Variants in ADAM22 observed in about 807,000 individuals in gnomAD.
ADAM22 encodes the protein ADAM metallopeptidase domain 22.
A neutral mutation model predicts 144.6 loss-of-function variants in ADAM22; 65 were observed. The observed-to-expected ratio is 0.45, with a 90% CI of 0.37 to 0.55. The LOEUF is 0.55. ADAM22 is among the 20% of genes least tolerant of loss of function. The probability of loss-of-function intolerance (pLI) is 0.00; values close to 1 mark genes in which losing one functional copy is unlikely to be tolerated. For missense variants in ADAM22, 974 were observed against 1,184.9 expected, an observed-to-expected ratio of 0.82 and a Z score of 2.61; for synonymous variants, 391 against 412.6, an observed-to-expected ratio of 0.95 and a Z score of 0.63.
intron 18 of ADAM22, 141 bp downstream of exon 18, chr7:88,149,198 A>C (rs1172463172): frequency 1.5e-6 from 1 of 659,440 alleles, no homozygotes; most frequent in Non-Finnish European, 2.6e-6. Flanking sequence ...TAGGAATTTA[A>C]GTTTCAGTGA....
At chr7:88,086,090 C>T (rs1418575642) in intron 4 of ADAM22, among the ~76,000 whole-genome samples, 1 of 152,138 alleles carries the variant, frequency 6.6e-6, no homozygotes, top group African/African-American at 2.4e-5. Context: ...GCAGGAGAAT[C>T]GCTTGAACTC....
chr7:88,094,609 G>A (rs942541244), intron 4 of ADAM22, among the ~76,000 whole-genome samples: 5 of 152,120 alleles, frequency 3.3e-5, no homozygotes, highest in African/African-American at 4.8e-5. Flanking sequence ...TTTTGCCTTC[G>A]TTTTCTCTTC....
At chr7:88,130,239 A>G in intron 9 of ADAM22, 149 bp from the exon 10 acceptor site, 1 of 602,152 alleles carries the variant, frequency 1.7e-6, no homozygotes, top group East Asian at 3.0e-5. Context: ...TGACTCTGAC[A>G]TTGTTTTACA....
At chr7:88,069,766 G>T (rs1812252499) in intron 3 of ADAM22, among the ~76,000 whole-genome samples, 1 of 152,092 alleles carries the variant, frequency 6.6e-6, no homozygotes. Flanking sequence ...AAGATAACCT[G>T]AAATACAGGG....
chr7:88,182,886 C>T (rs1476736713), intron 29 of ADAM22, among the ~76,000 whole-genome samples: 2 of 152,104 alleles, frequency 1.3e-5, no homozygotes, highest in African/African-American at 2.4e-5. Flanking sequence ...CTCACTCTAG[C>T]GATAGTTATT....
In ADAM22 at chr7:88,197,712, T is replaced by C. The variant is rs375343584; in HGVS notation, c.*1221T>C. Reference sequence around the variant, plus strand: ...CAACTTTGACACTGTTGATTAAGAATATTTGTCATCACTGGGATGTGAATC... The same window carrying C: ...CAACTTTGACACTGTTGATTAAGAACATTTGTCATCACTGGGATGTGAATC... On this transcript the variant is annotated 3_prime_UTR_variant, in exon 32 of 32. Transcript: ENST00000413139. 8.5e-5 allele frequency: 13 copies of C among 152,242 alleles called. No individual in the cohort carries two copies. The highest frequency in any genetic ancestry group is 3.9e-4 in the East Asian group (2 of 5,194). 9.4% of individuals were successfully genotyped at this position (152,242 alleles called of 1,614,324 possible). A position where few individuals can be genotyped will look rare whatever the true frequency, so the allele number is the denominator to read the frequency against.
intron 22 of ADAM22, among the ~76,000 whole-genome samples, chr7:88,157,070 A>G (rs1398877017): frequency 1.3e-5 from 2 of 152,170 alleles, no homozygotes; most frequent in Non-Finnish European, 2.9e-5. Context: ...TTAGTAGTTG[A>G]AATTATCTTC....
chr7:87,983,508 C>T (rs1854226418), intron 3 of ADAM22, among the ~76,000 whole-genome samples: 1 of 151,898 alleles, frequency 6.6e-6, no homozygotes, highest in Admixed American at 6.6e-5. Context: ...TGTGTTGCAC[C>T]TTATTGAACT....
chr7:87,956,261 G>T (rs915374068), intron 2 of ADAM22, among the ~76,000 whole-genome samples: 4 of 152,110 alleles, frequency 2.6e-5, no homozygotes, highest in African/African-American at 9.7e-5. Flanking sequence ...TTCCTATTTG[G>T]CCATCTTGGC....
rs61053925 is a variant in ADAM22, at chr7:88,162,097, TACACACACAC to T, written c.1908-888_1908-879del. Among the ~76,000 whole-genome samples the T allele has an allele frequency of 1.8e-4, 24 of 136,828 alleles. No homozygotes were observed. In the East Asian group the frequency reaches 1.8e-3, roughly 10 times the overall value. 89.8% of individuals were successfully genotyped at this position (136,828 alleles called of 152,430 possible). ...CAGACTGGATAAAGAAAATGTGTAATACACACACACACACACACACACACACACACACACA... is the reference window on the plus strand; with the variant it reads ...CAGACTGGATAAAGAAAATGTGTAATACACACACACACACACACACACACA... On this transcript the variant is annotated intron_variant, in intron 22 of 31. Transcript: ENST00000413139.
intron 3 of ADAM22, among the ~76,000 whole-genome samples, chr7:88,043,620 T>G (rs2129472422): frequency 6.6e-6 from 1 of 152,168 alleles, no homozygotes; most frequent in Non-Finnish European, 1.5e-5. Flanking sequence ...GGGGATCACT[T>G]AAGCCCAGGA....
chr7:88,021,906 T>C (rs913624020), intron 3 of ADAM22, among the ~76,000 whole-genome samples: 2 of 151,858 alleles, frequency 1.3e-5, no homozygotes, highest in African/African-American at 2.4e-5. Flanking sequence ...AGGGTCTCGC[T>C]CTGTCGCTCA....
intron 5 of ADAM22, 69 bp from the exon 6 acceptor site, chr7:88,114,515 A>T: frequency 6.7e-7 from 1 of 1,503,268 alleles, no homozygotes; most frequent in Non-Finnish European, 9.2e-7. Flanking sequence ...GCTGCTGCTG[A>T]TTTTAAAATG....
In ADAM22 at chr7:88,180,563, A is replaced by G. The variant is rs184991477; in HGVS notation, c.2496-942A>G. On this transcript the variant is annotated intron_variant, in intron 27 of 31. Transcript: ENST00000413139. ...TATTTCTATTATTATTCCATTAACCAGATTCCATTAACCAATATTCCATTA... is the reference window on the plus strand; with the variant it reads ...TATTTCTATTATTATTCCATTAACCGGATTCCATTAACCAATATTCCATTA... Among the ~76,000 whole-genome samples, 341 of 152,152 alleles carry G rather than the reference A, an allele frequency of 2.2e-3. 2 individuals carry two copies. The highest frequency in any genetic ancestry group is 3.6e-3 in the Non-Finnish European group (247 of 67,928).
chr7:88,154,160 A>G (rs1440758732), intron 21 of ADAM22, among the ~76,000 whole-genome samples: 1 of 152,224 alleles, frequency 6.6e-6, no homozygotes, highest in Non-Finnish European at 1.5e-5. Context: ...TGTATATGGG[A>G]TGTAATAATA....
At chr7:88,174,628 A>G (rs931317617) in intron 26 of ADAM22, among the ~76,000 whole-genome samples, 2 of 152,172 alleles carry the variant, frequency 1.3e-5, no homozygotes, top group African/African-American at 4.8e-5. Context: ...ATAGAATAAG[A>G]AACAGTAACT....
intron 4 of ADAM22, among the ~76,000 whole-genome samples, chr7:88,101,813 C>A (rs1481227747): frequency 1.3e-5 from 2 of 152,142 alleles, no homozygotes; most frequent in Non-Finnish European, 2.9e-5. Flanking sequence ...TAGTGTAAAG[C>A]AGTTGTTCTC....
At chr7:87,987,191 A>AT (rs987666404) in intron 3 of ADAM22, among the ~76,000 whole-genome samples, 5 of 151,790 alleles carry the variant, frequency 3.3e-5, no homozygotes, top group South Asian at 2.1e-4. Context: ...TATTTTAATT[A>AT]TTTTTTTTGG....
Position 87,948,552 on chromosome 7 carries a change from TA to T in ADAM22, c.246+13367del, listed in dbSNP as rs556553055. Among the ~76,000 whole-genome samples, 62 of 152,256 alleles carry T rather than the reference TA, an allele frequency of 4.1e-4. No individual in the cohort carries two copies. The South Asian group carries it at 0.012, about 31-fold the overall frequency. The stretch of plus-strand genomic sequence containing the variant: ...AATCCCCTGGATTTAAGCTTTAAAT[TA>T]TATGCTTAGTTTACCCTCTACATTT... On this transcript the variant is annotated intron_variant, in intron 2 of 31. Transcript: ENST00000413139.
Sources: gnomAD v4.1 joint callset for allele counts (sites outside exome capture counted in the v4.1 genomes callset) on GRCh38, gnomAD v4.1.1 for gene constraint, MANE v1.5 for transcripts, NCBI Gene and HGNC (gene_info 2026-07-23, HGNC 2026-07-21) for gene names.